Variants in AFF2 observed in about 807,000 individuals in gnomAD.
The protein encoded by AFF2 is ALF transcription elongation factor 2, also known as AF4/FMR2 family member 2.
Under a neutral mutation model 76.9 loss-of-function variants are expected in AFF2, and 14 were observed. The ratio of observed to expected loss-of-function variants is 0.18; its 90% CI spans 0.12 to 0.28. AFF2 has a LOEUF of 0.28. Among genes scored for constraint, AFF2 ranks in the 10% least tolerant of loss-of-function variants. The pLI is 1.00. For missense variants in AFF2, 868 were observed against 1,001.1 expected (o/e 0.87, Z 1.79); for synonymous variants, 398 against 366.7 (o/e 1.09, Z -0.98).
chrX:148,765,811 G>A lies in AFF2; in HGVS notation c.1042-44065G>A, dbSNP rs982670856. Among the ~76,000 whole-genome samples the A allele has an allele frequency of 2.8e-4, 30 of 105,904 alleles. 1 individual carries two copies. The highest frequency in any genetic ancestry group is 4.7e-4 in the Non-Finnish European group (24 of 51,472). 92.0% of individuals were successfully genotyped at this position (105,904 alleles called of 115,157 possible). A position where few individuals can be genotyped will look rare whatever the true frequency, so the allele number is the denominator to read the frequency against. ...GCTGGTGTGCTGCACTCACTAACTC[G>A]TCATCTAGCATTAGGTATATCTCCC... On this transcript the variant is annotated intron_variant, in intron 3 of 20. Coordinates refer to ENST00000370460, the MANE Select transcript of AFF2 (RefSeq NM_002025.4).
chrX:148,760,373 G>T (rs1199086883), intron 3 of AFF2, among the ~76,000 whole-genome samples: 1 of 112,069 alleles, frequency 8.9e-6, no homozygotes, highest in Non-Finnish European at 1.9e-5. Context: ...TCCAATCCCT[G>T]CCTGGTTACA....
At chrX:148,839,518 T>C (rs2070570453) in intron 5 of AFF2, among the ~76,000 whole-genome samples, 1 of 111,831 alleles carries the variant, frequency 8.9e-6, no homozygotes, top group South Asian at 3.8e-4. Context: ...CTCAGGATTA[T>C]CCAGTTAATA....
intron 1 of AFF2, among the ~76,000 whole-genome samples, chrX:148,573,750 T>C (rs1603246422): frequency 1.8e-5 from 2 of 111,431 alleles, no homozygotes; most frequent in Non-Finnish European, 3.8e-5. Context: ...TTAAATGATA[T>C]AGAGATTTGA....
intron 9 of AFF2, among the ~76,000 whole-genome samples, chrX:148,916,309 A>G (rs1557282589): frequency 1.1e-5 from 1 of 93,298 alleles, no homozygotes; most frequent in East Asian, 3.6e-4. Context: ...TCCCGGGTTC[A>G]TGCCATTCTC....
At chrX:148,873,977 G>A (rs2071007501) in intron 7 of AFF2, among the ~76,000 whole-genome samples, 2 of 111,477 alleles carry the variant, frequency 1.8e-5, no homozygotes, top group Middle Eastern at 4.2e-3. Context: ...TATTCTCCAC[G>A]TATCTATATT....
At chrX:148,692,528 G>A (rs868919657) in intron 3 of AFF2, among the ~76,000 whole-genome samples, 3 of 112,124 alleles carry the variant, frequency 2.7e-5, no homozygotes, top group Non-Finnish European at 5.6e-5. Context: ...AAAGGTTCCT[G>A]TTAGGGAGAT....
chrX:148,887,344 C>T (rs782533902), intron 8 of AFF2, among the ~76,000 whole-genome samples: 2 of 111,728 alleles, frequency 1.8e-5, no homozygotes, highest in South Asian at 3.7e-4. Flanking sequence ...ACATTTAATA[C>T]GCCAATAGCA....
intron 3 of AFF2, among the ~76,000 whole-genome samples, chrX:148,693,085 T>C (rs1304209843): frequency 9.0e-6 from 1 of 110,788 alleles, no homozygotes; most frequent in Non-Finnish European, 1.9e-5. Context: ...GGCTGGCTAA[T>C]TTTTTGTATT....
intron 3 of AFF2, among the ~76,000 whole-genome samples, chrX:148,695,556 G>A (rs939398584): frequency 3.6e-5 from 4 of 112,052 alleles, no homozygotes; most frequent in Non-Finnish European, 7.5e-5. Context: ...ATTCATTAAC[G>A]AAAGTCTTTG....
At chrX:148,935,262 TACACTC>T (rs2071760448) in intron 9 of AFF2, among the ~76,000 whole-genome samples, 1 of 110,447 alleles carries the variant, frequency 9.1e-6, no homozygotes, top group Non-Finnish European at 1.9e-5. Context: ...TGTTAGGTCT[TACACTC>T]AAGCGTTAGA....
intron 4 of AFF2, among the ~76,000 whole-genome samples, chrX:148,828,036 A>T (rs1242805811): frequency 9.0e-6 from 1 of 111,175 alleles, no homozygotes; most frequent in African/African-American, 3.3e-5. Flanking sequence ...AAAGGAAAAA[A>T]AAAACATGGC....
chrX:148,839,349 T>A (rs782297977), intron 5 of AFF2, among the ~76,000 whole-genome samples: 1 of 112,298 alleles, frequency 8.9e-6, no homozygotes, highest in East Asian at 2.8e-4. Flanking sequence ...AAAAGTACAC[T>A]TTAAATAACA....
intron 3 of AFF2, among the ~76,000 whole-genome samples, chrX:148,708,007 A>T (rs1360427968): frequency 8.9e-6 from 1 of 112,062 alleles, no homozygotes; most frequent in Non-Finnish European, 1.9e-5. Flanking sequence ...AGAACAAAGC[A>T]TACTGTTGGA....
chrX:148,756,460 G>C (rs1043128559), intron 3 of AFF2, among the ~76,000 whole-genome samples: 1 of 112,242 alleles, frequency 8.9e-6, no homozygotes, highest in Non-Finnish European at 1.9e-5. Context: ...TTTGGAATGT[G>C]AACATTTCAT....
rs552151771 is a variant in AFF2 at position 148,750,692 on chromosome X, A to G, written c.1042-59184A>G. Among the ~76,000 whole-genome samples, 20 of 112,011 alleles carry G rather than the reference A, an allele frequency of 1.8e-4. No individual in the cohort carries two copies. In the South Asian group the frequency reaches 7.5e-3, roughly 42 times the overall value. On this transcript the variant is annotated intron_variant, in intron 3 of 20. Transcript: ENST00000370460. ...TCTCTTCATTTGTAAACTGGGAATA[A>G]TAATAGTTTTTCATAGTGTTAAATG...
intron 1 of AFF2, among the ~76,000 whole-genome samples, chrX:148,591,691 A>G (rs1377487269): frequency 1.8e-5 from 2 of 112,108 alleles, no homozygotes; most frequent in Non-Finnish European, 3.8e-5. Flanking sequence ...GAGGGCCAAG[A>G]TTACGTTTTG....
At chrX:148,854,432 G>A (rs782306846) in intron 7 of AFF2, among the ~76,000 whole-genome samples, 7 of 111,320 alleles carry the variant, frequency 6.3e-5, no homozygotes, top group East Asian at 2.8e-4. Context: ...CAGTATTCAC[G>A]GTGGCAAGAA....
At chrX:148,803,397 T>C (rs1451913023) in intron 3 of AFF2, among the ~76,000 whole-genome samples, 1 of 110,551 alleles carries the variant, frequency 9.0e-6, no homozygotes, top group Non-Finnish European at 1.9e-5. Flanking sequence ...TCAGCTGGGG[T>C]ATGAGTCTGG....
At chrX:148,973,332 G>A (rs1603351491) in intron 15 of AFF2, 139 bp from the exon 16 acceptor site, 1 of 766,008 alleles carries the variant, frequency 1.3e-6, no homozygotes, top group Non-Finnish European at 1.9e-6. Context: ...CCCCAGGGGT[G>A]ACAACTGAAA....
Sources: allele counts gnomAD v4.1 joint callset (sites outside exome capture counted in the v4.1 genomes callset), GRCh38; gene constraint gnomAD v4.1.1; transcripts MANE v1.5; gene names NCBI Gene and HGNC (gene_info 2026-07-23, HGNC 2026-07-21).